The following ATRNL1 variants were observed in gnomAD, a reference collection of about 807,000 sequenced individuals.
ATRNL1 encodes attractin like 1, also known as attractin-like protein 1.
In ATRNL1, 95 loss-of-function variants were observed where a neutral mutation model predicts 182.7. That is an observed-to-expected ratio of 0.52 (90% CI 0.44 to 0.62). The LOEUF is 0.62. Among genes scored for constraint, ATRNL1 ranks in the 20% least tolerant of loss-of-function variants. The pLI, the probability that ATRNL1 is intolerant of heterozygous loss-of-function variation, is 0.00. For synonymous variants in ATRNL1, 576 were observed against 568.3 expected (o/e 1.01, Z -0.19); for missense variants, 1,471 against 1,679.5 (o/e 0.88, Z 2.17).
At chr10:115,425,818 T>C (rs1285479479) in intron 20 of ATRNL1, among the ~76,000 whole-genome samples, 2 of 152,052 alleles carry the variant, frequency 1.3e-5, no homozygotes, top group Admixed American at 6.5e-5. Context: ...GTAGAAAATA[T>C]GTTAATTTCA....
At chr10:115,360,137 C>A (rs1275159061) in intron 19 of ATRNL1, among the ~76,000 whole-genome samples, 1 of 151,438 alleles carries the variant, frequency 6.6e-6, no homozygotes, top group African/African-American at 2.4e-5. Context: ...CTAACAACAT[C>A]CCAATACCCA....
At chr10:115,294,826 A>G (rs1411069505) in intron 15 of ATRNL1, among the ~76,000 whole-genome samples, 2 of 152,128 alleles carry the variant, frequency 1.3e-5, no homozygotes, top group African/African-American at 2.4e-5. Context: ...TTCTTCAGCT[A>G]TAATCCACAT....
intron 26 of ATRNL1, among the ~76,000 whole-genome samples, chr10:115,689,201 A>G (rs368826478): frequency 4.1e-4 from 62 of 152,214 alleles, no homozygotes; most frequent in Middle Eastern, 3.4e-3. Flanking sequence ...TGTTTACCAT[A>G]ACCTTATAAT....
At chr10:115,410,499 T>G (rs1263278430) in intron 20 of ATRNL1, among the ~76,000 whole-genome samples, 1 of 151,750 alleles carries the variant, frequency 6.6e-6, no homozygotes, top group Non-Finnish European at 1.5e-5. Context: ...TTTTGTATTT[T>G]TAGTAGAGAT....
At chr10:115,136,998 T>C (rs1468122563) in intron 5 of ATRNL1, among the ~76,000 whole-genome samples, 1 of 152,188 alleles carries the variant, frequency 6.6e-6, no homozygotes, top group Non-Finnish European at 1.5e-5. Context: ...AAGCAAGATA[T>C]AAGAAATTGA....
intron 19 of ATRNL1, among the ~76,000 whole-genome samples, chr10:115,367,665 C>T (rs1268335030): frequency 2.2e-5 from 3 of 133,390 alleles, no homozygotes; most frequent in Non-Finnish European, 5.3e-5. Context: ...TACTTTTGGT[C>T]GTCGATGATG....
chr10:115,494,779 A>G (rs1451028326), intron 24 of ATRNL1, among the ~76,000 whole-genome samples: 2 of 152,174 alleles, frequency 1.3e-5, no homozygotes, highest in African/African-American at 2.4e-5. Context: ...AATGTTCATC[A>G]AGGATATTAG....
chr10:115,756,154 T>C (rs1055056012), intron 27 of ATRNL1, among the ~76,000 whole-genome samples: 2 of 152,176 alleles, frequency 1.3e-5, no homozygotes, highest in African/African-American at 2.4e-5. Flanking sequence ...GGGTTTTTCC[T>C]GTCTCTATCT....
chr10:115,322,834 T>A (rs1854650310), intron 18 of ATRNL1, among the ~76,000 whole-genome samples: 1 of 152,184 alleles, frequency 6.6e-6, no homozygotes, highest in Admixed American at 6.5e-5. Flanking sequence ...CTATTATTTC[T>A]GATTTAAAAT....
chr10:115,825,196 T>A (rs2907562), intron 27 of ATRNL1, among the ~76,000 whole-genome samples: 24,904 of 151,670 alleles, frequency 0.16, 2,239 homozygotes, highest in Non-Finnish European at 0.2. Flanking sequence ...AAACCAAACA[T>A]CGCATGTTCT....
chr10:115,587,097 G>T (rs1286855535), intron 26 of ATRNL1, among the ~76,000 whole-genome samples: 2 of 149,244 alleles, frequency 1.3e-5, no homozygotes, highest in African/African-American at 4.9e-5. Flanking sequence ...CACTTGAGGA[G>T]GCAGTCTGCC....
At chr10:115,369,899 A>T (rs531109901) in intron 19 of ATRNL1, among the ~76,000 whole-genome samples, 7 of 152,090 alleles carry the variant, frequency 4.6e-5, no homozygotes, top group Non-Finnish European at 8.8e-5. Context: ...TCATGTCCTG[A>T]TATGGTTTGG....
At chr10:115,907,327 C>G (rs1301386217) in intron 28 of ATRNL1, among the ~76,000 whole-genome samples, 2 of 152,220 alleles carry the variant, frequency 1.3e-5, no homozygotes, top group African/African-American at 4.8e-5. Flanking sequence ...GTAACCTTAA[C>G]TCTTCCCTTT....
At chr10:115,574,252 A>G (rs1015446127) in intron 26 of ATRNL1, among the ~76,000 whole-genome samples, 2 of 151,220 alleles carry the variant, frequency 1.3e-5, no homozygotes, top group African/African-American at 2.4e-5. Flanking sequence ...AGTTATATAT[A>G]CATAACTACA....
chr10:115,248,922 A>G (rs1459834067), intron 10 of ATRNL1, among the ~76,000 whole-genome samples: 2 of 152,170 alleles, frequency 1.3e-5, no homozygotes, highest in African/African-American at 4.8e-5. Flanking sequence ...AGCCTTGTAC[A>G]TACAACCTAT....
intron 5 of ATRNL1, among the ~76,000 whole-genome samples, chr10:115,141,976 G>C (rs1845769553): frequency 6.6e-6 from 1 of 151,870 alleles, no homozygotes; most frequent in Admixed American, 6.6e-5. Flanking sequence ...TAATGTAACA[G>C]TTTCTTTTTT....
chr10:115,446,061 T>C (rs1846969549), intron 21 of ATRNL1, among the ~76,000 whole-genome samples: 1 of 152,172 alleles, frequency 6.6e-6, no homozygotes, highest in African/African-American at 2.4e-5. Flanking sequence ...TATAATATGC[T>C]TTTTATATTT....
rs568509065 is a variant in ATRNL1 at position 115,703,252 on chromosome 10, A to T, written c.3796-23996A>T. Reference sequence around the variant, plus strand: ...ACCCCTACCTTTCACCATATACAAAAATTAATGCAAGATGAATTAAAGATT... The same window carrying T: ...ACCCCTACCTTTCACCATATACAAATATTAATGCAAGATGAATTAAAGATT... On this transcript the variant is annotated intron_variant, in intron 26 of 28. Transcript: ENST00000355044. Among the ~76,000 whole-genome samples the T allele has an allele frequency of 2.0e-5, 3 of 152,174 alleles. No homozygotes were observed. In the South Asian group the frequency reaches 6.2e-4, roughly 31 times the overall value.
At chr10:115,920,544 A>G (rs61319078) in intron 28 of ATRNL1, among the ~76,000 whole-genome samples, 29,487 of 152,236 alleles carry the variant, frequency 0.19, 2,908 homozygotes, top group Non-Finnish European at 0.21. Flanking sequence ...TAAGAGAGGC[A>G]CAAGAATCCA....
Sources: allele counts gnomAD v4.1 joint callset (sites outside exome capture counted in the v4.1 genomes callset), GRCh38; gene constraint gnomAD v4.1.1; transcripts MANE v1.5; gene names NCBI Gene and HGNC (gene_info 2026-07-23, HGNC 2026-07-21).